MACF1: variants seen among roughly 807,000 people sequenced by gnomAD.
MACF1 encodes the protein microtubule actin crosslinking factor 1, also known as microtubule-actin cross-linking factor 1.
In MACF1, 193 loss-of-function variants were observed where a neutral mutation model predicts 854.8. That is an observed-to-expected ratio of 0.23 (90% CI 0.20 to 0.25). MACF1 has a LOEUF of 0.25. MACF1 is among the 10% of genes least tolerant of loss of function. The pLI is 1.00. For missense variants in MACF1, 7,722 were observed against 8,929.1 expected (o/e 0.86, Z 5.45); for synonymous variants, 3,185 against 3,226.7 (o/e 0.99, Z 0.44).
intron 2 of MACF1, among the ~76,000 whole-genome samples, chr1:39,186,986 ATT>A (rs11427661): frequency 1.0e-4 from 14 of 134,582 alleles, no homozygotes; most frequent in African/African-American, 1.6e-4. Flanking sequence ...GTGATTCTTG[ATT>A]TTTTTTTTTT....
At chr1:39,175,521 AGTGGAATT>A (rs1179240894) in intron 2 of MACF1, among the ~76,000 whole-genome samples, 2 of 152,180 alleles carry the variant, frequency 1.3e-5, no homozygotes, top group African/African-American at 4.8e-5. Flanking sequence ...AACCTCATTG[AGTGGAATT>A]GTGAGCAAAC....
chr1:39,176,541 C>T (rs1445053080), intron 2 of MACF1, among the ~76,000 whole-genome samples: 1 of 152,160 alleles, frequency 6.6e-6, no homozygotes, highest in Non-Finnish European at 1.5e-5. Flanking sequence ...GCATATGAGG[C>T]TCTTTCCTTC....
At chr1:39,365,620 A>G (rs142828820) in intron 49 of MACF1, among the ~76,000 whole-genome samples, 33 of 152,158 alleles carry the variant, frequency 2.2e-4, no homozygotes, top group East Asian at 3.9e-4. Context: ...TTAAGAAACC[A>G]TCTTCATCAT....
At position 39,297,069 on chromosome 1, in the gene MACF1, G is replaced by A. The variant is rs185725034; in HGVS notation, c.2356-551G>A. On this transcript the variant is annotated intron_variant, in intron 20 of 100. Coordinates refer to ENST00000564288, the MANE Select transcript of MACF1 (RefSeq NM_001394062.1). Reference sequence around the variant, plus strand: ...CTCTCGAATAGCTGGGACTACAGGCGCCCACCACCACGCCCGGCTAATTTT... The same window carrying A: ...CTCTCGAATAGCTGGGACTACAGGCACCCACCACCACGCCCGGCTAATTTT... Among the ~76,000 whole-genome samples the A allele has an allele frequency of 2.9e-3, 438 of 151,870 alleles. 10 individuals carry two copies. Among genetic ancestry groups the A allele is most frequent in the Non-Finnish European group, 1.8e-3 (119 of 67,940 alleles).
intron 1 of MACF1, among the ~76,000 whole-genome samples, chr1:39,216,096 G>A (rs1232394144): frequency 1.3e-5 from 2 of 152,082 alleles, no homozygotes; most frequent in Non-Finnish European, 2.9e-5. Flanking sequence ...CAAAATTGTA[G>A]GGTATACAGA....
In MACF1 at chr1:39,170,867, A is replaced by G. The variant is rs531248949; in HGVS notation, c.221-60315A>G. 1.2e-4 allele frequency among the ~76,000 whole-genome samples: 19 copies of G among 152,256 alleles called. No homozygotes were observed. The East Asian group carries it at 3.3e-3, about 26-fold the overall frequency. On this transcript the variant is annotated intron_variant, in intron 2 of 93. Transcript: ENST00000361689. Reference sequence around the variant, plus strand: ...AGGGCTCCAGGCTTTGTTGAAACAGATGGTTTCTTTGCACTAGGGAATGTT... The same window carrying G: ...AGGGCTCCAGGCTTTGTTGAAACAGGTGGTTTCTTTGCACTAGGGAATGTT...
chr1:39,197,065 A>C (rs1644329102), intron 2 of MACF1, among the ~76,000 whole-genome samples: 1 of 152,158 alleles, frequency 6.6e-6, no homozygotes, highest in Non-Finnish European at 1.5e-5. Context: ...ATGATAAATG[A>C]TCTCTTAAAA....
Position 39,254,354 on chromosome 1 carries a change from G to A in MACF1, c.414G>A (p.Leu138=), listed in dbSNP as rs1342783336. 6.2e-7 allele frequency: 1 copy of A among 1,614,012 alleles called. No individual in the cohort carries two copies. Among genetic ancestry groups the A allele is most frequent in the South Asian group, 1.1e-5 (1 of 91,082 alleles). Reference sequence around the variant, plus strand: ...GGCTGCAGAATGTGCAGATTGCCCTGGACTTCCTAAAGCAGCGACAGGTAA... The same window carrying A: ...GGCTGCAGAATGTGCAGATTGCCCTAGACTTCCTAAAGCAGCGACAGGTAA... The part of the protein sequence containing the change: ...FHRLQNVQIA[L]DFLKQRQVKL... Residue 138 remains leucine, a synonymous_variant, in exon 5 of 101, where the codon CTG becomes CTA. Coordinates refer to ENST00000564288, the MANE Select transcript of MACF1 (RefSeq NM_001394062.1).
At chr1:39,454,703 G>A (rs1048496148) in intron 88 of MACF1, among the ~76,000 whole-genome samples, 7 of 152,158 alleles carry the variant, frequency 4.6e-5, no homozygotes, top group African/African-American at 1.4e-4. Flanking sequence ...GGGAGGCTGA[G>A]GCAGGAGAGT....
At chr1:39,103,152 A>C in intron 2 of MACF1, 2 of 422,580 alleles carry the variant, frequency 4.7e-6, no homozygotes, top group Non-Finnish European at 8.9e-6. Context: ...CTTAAAAGGA[A>C]TCTCAACCCC....
chr1:39,435,203 A>C (rs561579856), intron 69 of MACF1, among the ~76,000 whole-genome samples: 1 of 152,342 alleles, frequency 6.6e-6, no homozygotes, highest in East Asian at 1.9e-4. Flanking sequence ...GAGGTAGACA[A>C]TTATTAAACC....
chr1:39,340,715 A>G lies in MACF1; in HGVS notation c.10429A>G (p.Lys3477Glu). Residue 3477 changes from lysine to glutamate, a missense_variant and splice_region_variant, in exon 39 of 101, where the codon AAG (lysine) becomes GAG (glutamate). By Grantham distance (56) the Lys-to-Glu change is moderately conservative (BLOSUM62 1). Transcript: ENST00000564288. ...CTTCCAGAATGCTGTGGAAATAGAA[A>G]AGGTAGCATTTTGCTTTTATTCATA... is the stretch of plus-strand genomic sequence containing the variant. ...LHFQNAVEIE[K>E]TKVLNQHTQL... 7 of 1,613,904 alleles carry G rather than the reference A, an allele frequency of 4.3e-6. No individual in the cohort carries two copies. The highest frequency in any genetic ancestry group is 2.2e-5 in the South Asian group (2 of 91,040).
chr1:39,436,519 G>C (rs1643979312), intron 70 of MACF1: 1 of 1,610,016 alleles, frequency 6.2e-7, no homozygotes, highest in Admixed American at 1.7e-5. Flanking sequence ...TTGGGACTAG[G>C]GTGTTCTTAT....
chr1:39,210,729 T>C (rs1644504929), intron 1 of MACF1, among the ~76,000 whole-genome samples: 1 of 152,176 alleles, frequency 6.6e-6, no homozygotes, highest in Admixed American at 6.5e-5. Flanking sequence ...ATCTGGCCTG[T>C]TCTTGGAAGT....
At chr1:39,357,992 A>C (rs1301843847) in intron 45 of MACF1, 99 bp downstream of exon 45, 1 of 1,220,306 alleles carries the variant, frequency 8.2e-7, no homozygotes, top group African/African-American at 1.5e-5. Flanking sequence ...TCCAGGACAC[A>C]GTAGGAGAGC....
chr1:39,428,290 A>G lies in MACF1; in HGVS notation c.16803+3A>G, dbSNP rs1357787432. The G allele has an allele frequency of 6.3e-7, 1 of 1,594,352 alleles. No individual in the cohort carries two copies. The highest frequency in any genetic ancestry group is 1.7e-5 in the Admixed American group (1 of 57,396). On this transcript the variant is annotated splice_donor_region_variant and intron_variant, in intron 63 of 100. Coordinates refer to ENST00000564288, the MANE Select transcript of MACF1 (RefSeq NM_001394062.1). The stretch of plus-strand genomic sequence containing the variant: ...ACAGGCAGCATGCTGACCACCTGGT[A>G]TTCATGTTTCCATTTTTATTGGTTA...
chr1:39,433,474 A>T (rs1158505735), intron 68 of MACF1, among the ~76,000 whole-genome samples: 5 of 152,226 alleles, frequency 3.3e-5, no homozygotes, highest in Non-Finnish European at 5.9e-5. Flanking sequence ...TTTTTTCAGA[A>T]CCATATGCAG....
At chr1:39,347,410 T>A (rs964196972) in intron 41 of MACF1, among the ~76,000 whole-genome samples, 200 bp downstream of exon 41, 10 of 152,238 alleles carry the variant, frequency 6.6e-5, no homozygotes, top group Non-Finnish European at 1.3e-4. Context: ...TTTGGTTTTA[T>A]GTATGTGTGA....
intron 2 of MACF1, among the ~76,000 whole-genome samples, chr1:39,152,374 A>AT (rs1431000075): frequency 4.0e-5 from 6 of 151,556 alleles, no homozygotes; most frequent in South Asian, 2.1e-4. Flanking sequence ...CATTGCTTTA[A>AT]TTTTTTTTTC....
Sources: gnomAD v4.1 joint callset for allele counts (sites outside exome capture counted in the v4.1 genomes callset) on GRCh38, gnomAD v4.1.1 for gene constraint, MANE v1.5 for transcripts, NCBI Gene and HGNC (gene_info 2026-07-23, HGNC 2026-07-21) for gene names.